RPS6KA3: variants seen among roughly 807,000 people sequenced by gnomAD.
RPS6KA3 encodes ribosomal protein S6 kinase A3.
In RPS6KA3, 4 loss-of-function variants were observed where a neutral mutation model predicts 67.2. The ratio of observed to expected loss-of-function variants is 0.06; its 90% confidence interval spans 0.03 to 0.14. The LOEUF (loss-of-function observed/expected upper bound fraction) is 0.14. RPS6KA3 is among the 10% of genes least tolerant of loss of function. The pLI is 1.00. For synonymous variants in RPS6KA3, 182 were observed against 183.7 expected (o/e 0.99, Z 0.07); for missense variants, 204 against 559.0 (o/e 0.36, Z 6.40).
intron 1 of RPS6KA3, among the ~76,000 whole-genome samples, chrX:20,260,868 T>C (rs1265497529): frequency 8.9e-6 from 1 of 111,907 alleles, no homozygotes; most frequent in Non-Finnish European, 1.9e-5. Flanking sequence ...TACAAAGTTA[T>C]TAAGTGGCAG....
intron 4 of RPS6KA3, 102 bp from the exon 5 acceptor site, chrX:20,195,247 G>A: frequency 2.0e-6 from 1 of 489,447 alleles, no homozygotes; most frequent in East Asian, 3.8e-5. Context: ...TTGCTTATGT[G>A]TATTAAAATG....
chrX:20,251,951 T>G (rs981129351), intron 1 of RPS6KA3, among the ~76,000 whole-genome samples: 3 of 112,218 alleles, frequency 2.7e-5, no homozygotes, highest in African/African-American at 9.7e-5. Context: ...GGGACTCTGA[T>G]GACATAAATG....
At chrX:20,182,946 C>T (rs2067880984) in intron 10 of RPS6KA3, among the ~76,000 whole-genome samples, 1 of 111,363 alleles carries the variant, frequency 9.0e-6, no homozygotes, top group African/African-American at 3.3e-5. Context: ...ATGCTCCTGT[C>T]AATCTTTTTA....
intron 1 of RPS6KA3, among the ~76,000 whole-genome samples, chrX:20,237,095 TA>T (rs1403120945): frequency 1.8e-5 from 2 of 111,686 alleles, no homozygotes; most frequent in Non-Finnish European, 3.8e-5. Flanking sequence ...TTAAATGATA[TA>T]AAACCCTAAC....
chrX:20,167,450 T>A, intron 17 of RPS6KA3, 139 bp downstream of exon 17: 2 of 568,919 alleles, frequency 3.5e-6, no homozygotes, highest in African/African-American at 4.5e-5. Flanking sequence ...AAAGTTTATA[T>A]AGAGGAAGGT....
intron 1 of RPS6KA3, chrX:20,240,494 C>T: frequency 2.6e-6 from 1 of 385,492 alleles, no homozygotes; most frequent in South Asian, 1.3e-4. Context: ...TCCAAAGAAT[C>T]TTCTATGCAA....
At chrX:20,183,771 T>G (rs997492538) in intron 10 of RPS6KA3, among the ~76,000 whole-genome samples, 1 of 112,380 alleles carries the variant, frequency 8.9e-6, no homozygotes, top group African/African-American at 3.2e-5. Flanking sequence ...TTTATCAAGA[T>G]TCACATTAAA....
intron 20 of RPS6KA3, among the ~76,000 whole-genome samples, chrX:20,160,580 C>T (rs889129855): frequency 1.8e-5 from 2 of 110,616 alleles, no homozygotes; most frequent in African/African-American, 6.6e-5. Flanking sequence ...GCACCTGCTA[C>T]CACACCTGGC....
chrX:20,173,683 A>T (rs1304569668), intron 14 of RPS6KA3, among the ~76,000 whole-genome samples: 1 of 112,690 alleles, frequency 8.9e-6, no homozygotes, highest in Non-Finnish European at 1.9e-5. Context: ...TTTGTAATTT[A>T]AAAACTTGCC....
At chrX:20,199,273 G>A (rs1268827857) in intron 4 of RPS6KA3, among the ~76,000 whole-genome samples, 2 of 112,053 alleles carry the variant, frequency 1.8e-5, no homozygotes, top group Non-Finnish European at 3.8e-5. Context: ...GGAGAACACT[G>A]ATGAAAAAAG....
In RPS6KA3 at chrX:20,172,779, T is replaced by G. The variant is rs777269580; in HGVS notation, c.1320A>C (p.Ile440=). 8 of 1,203,965 alleles carry G rather than the reference T, an allele frequency of 6.6e-6. No individual in the cohort carries two copies. In the South Asian group the frequency reaches 1.4e-4, roughly 21 times the overall value. ...VGSYSVCKRC[I]HKATNMEFAV... is the part of the protein sequence containing the mutation. Reference sequence around the variant, plus strand: ...CAAACTCCATGTTTGTAGCTTTATGTATACATCTCTTGCAAACAGAGTAGG... The same window carrying G: ...CAAACTCCATGTTTGTAGCTTTATGGATACATCTCTTGCAAACAGAGTAGG... The change falls in exon 15 of 22, where the codon ATA becomes ATC. Residue 440 remains isoleucine (I), a synonymous_variant. Transcript: ENST00000379565.
rs758448049 is a variant in RPS6KA3 at position 20,193,475 on chromosome X, A to G, written c.593+12T>C. 2 of 963,519 alleles carry G rather than the reference A, an allele frequency of 2.1e-6. No individual in the cohort carries two copies. Among genetic ancestry groups the G allele is most frequent in the South Asian group, 3.9e-5 (2 of 51,481 alleles). The allele number at this position is 963,519 out of a possible 1,213,427, so 79.4% of individuals were successfully genotyped here. On this transcript the variant is annotated intron_variant, in intron 7 of 21. Coordinates refer to ENST00000379565, the MANE Select transcript of RPS6KA3 (RefSeq NM_004586.3). ...ATTACATTGTATTCAACTTAGTAGC[A>G]TGATTCCTTACTTTTCTGGTTTTAA...
At chrX:20,179,043 G>T (rs183567412) in intron 10 of RPS6KA3, among the ~76,000 whole-genome samples, 192 of 110,995 alleles carry the variant, frequency 1.7e-3, no homozygotes, top group South Asian at 8.0e-3. Flanking sequence ...AGAGGTCACT[G>T]TTTTCTGAAT....
At chrX:20,187,434 C>T (rs1348883172) in intron 9 of RPS6KA3, among the ~76,000 whole-genome samples, 1 of 110,338 alleles carries the variant, frequency 9.1e-6, no homozygotes, top group Non-Finnish European at 1.9e-5. Context: ...GAACTCCTGA[C>T]GTCAGGTGAT....
intron 1 of RPS6KA3, among the ~76,000 whole-genome samples, chrX:20,266,260 C>T (rs2070380881): frequency 9.0e-6 from 1 of 111,256 alleles, no homozygotes; most frequent in South Asian, 3.8e-4. Flanking sequence ...CGCTCCGCCT[C>T]CCGCTTCCCC....
At chrX:20,255,862 A>T (rs1462578790) in intron 1 of RPS6KA3, among the ~76,000 whole-genome samples, 2 of 100,818 alleles carry the variant, frequency 2.0e-5, no homozygotes, top group African/African-American at 7.3e-5. Flanking sequence ...TAATCTCATC[A>T]CTTTGGGAGG....
chrX:20,255,912 C>G (rs2070038913), intron 1 of RPS6KA3, among the ~76,000 whole-genome samples: 1 of 103,038 alleles, frequency 9.7e-6, no homozygotes, highest in African/African-American at 3.6e-5. Flanking sequence ...GAGTTTGAGA[C>G]CAGCCTGGCC....
intron 1 of RPS6KA3, among the ~76,000 whole-genome samples, chrX:20,248,184 TTC>T (rs2069753611): frequency 8.9e-6 from 1 of 112,656 alleles, no homozygotes; most frequent in South Asian, 3.6e-4. Flanking sequence ...TTAGTGGATT[TTC>T]TTAGGTTATC....
At chrX:20,225,682 A>G (rs1303900632) in intron 2 of RPS6KA3, among the ~76,000 whole-genome samples, 3 of 111,278 alleles carry the variant, frequency 2.7e-5, no homozygotes, top group Non-Finnish European at 3.8e-5. Flanking sequence ...CTCTTTCCAC[A>G]GTTTGTGTTT....
Sources: allele counts gnomAD v4.1 joint callset (sites outside exome capture counted in the v4.1 genomes callset), GRCh38; gene constraint gnomAD v4.1.1; transcripts MANE v1.5; gene names NCBI Gene and HGNC (gene_info 2026-07-23, HGNC 2026-07-21).